The following CEP57L1 variants were observed in gnomAD, a reference collection of about 807,000 sequenced individuals.
The protein encoded by CEP57L1 is centrosomal protein CEP57L1.
Under a neutral mutation model 61.0 loss-of-function variants are expected in CEP57L1, and 37 were observed. The observed-to-expected ratio is 0.61, with a 90% CI of 0.47 to 0.80. The LOEUF is 0.80. Among genes scored for constraint, CEP57L1 ranks in the 30% least tolerant of loss-of-function variants. The probability of loss-of-function intolerance (pLI) is 0.00; values close to 1 mark genes in which losing one functional copy is unlikely to be tolerated. For synonymous variants in CEP57L1, 137 were observed against 162.3 expected (o/e 0.84, Z 1.19); for missense variants, 422 against 524.7 (o/e 0.80, Z 1.91).
intron 1 of CEP57L1, among the ~76,000 whole-genome samples, chr6:109,108,276 C>T (rs867611130): frequency 3.3e-5 from 5 of 149,532 alleles, no homozygotes; most frequent in Admixed American, 2.7e-4. Flanking sequence ...GTTTCACTCT[C>T]GTCACCCAGG....
At position 109,141,309 on chromosome 6, in the gene CEP57L1, A is replaced by G. The variant is rs139690349; in HGVS notation, c.-3-3910A>G. Among the ~76,000 whole-genome samples the G allele has an allele frequency of 7.9e-3, 1,198 of 151,052 alleles. 20 individuals are homozygous for G. The highest frequency in any genetic ancestry group is 0.028 in the African/African-American group (1,147 of 41,134). On this transcript the variant is annotated intron_variant, in intron 1 of 10. Transcript: ENST00000517392. ...CGGCTCACTGCAGCCTCCACCTCCC[A>G]GGTTCAAGTGATTCTTCTGCCTCAG...
rs1773092910 is a variant in CEP57L1, at chr6:109,155,212, G to T, written c.580-18G>T. 6.7e-7 allele frequency: 1 copy of T among 1,482,552 alleles called. No homozygotes were observed. Among genetic ancestry groups the T allele is most frequent in the African/African-American group, 1.4e-5 (1 of 70,826 alleles). 91.8% of individuals were successfully genotyped at this position (1,482,552 alleles called of 1,614,324 possible). On this transcript the variant is annotated intron_variant, in intron 5 of 10. Coordinates refer to ENST00000517392, the MANE Select transcript of CEP57L1 (RefSeq NM_001271852.3). ...CTCTAGTTTTTATGTAACAATCTTA[G>T]TTTTTACTCTTTTGCAGGACAAGAT...
intron 1 of CEP57L1, among the ~76,000 whole-genome samples, chr6:109,111,239 T>TA (rs1771577536): frequency 6.6e-6 from 1 of 152,114 alleles, no homozygotes; most frequent in South Asian, 2.1e-4. Context: ...AGAGGTCGTT[T>TA]ACATCCCTTG....
intron 10 of CEP57L1, among the ~76,000 whole-genome samples, chr6:109,162,165 A>G (rs1168173296): frequency 6.6e-6 from 1 of 152,098 alleles, no homozygotes; most frequent in African/African-American, 2.4e-5. Context: ...TCCTGAATTT[A>G]AAGTACTACT....
At chr6:109,097,562 G>A (rs943135319) in intron 1 of CEP57L1, among the ~76,000 whole-genome samples, 1 of 152,042 alleles carries the variant, frequency 6.6e-6, no homozygotes, top group Non-Finnish European at 1.5e-5. Flanking sequence ...TCTCTGTTGA[G>A]TCCCTTTTAT....
chr6:109,133,717 T>G (rs1169643247), intron 1 of CEP57L1, among the ~76,000 whole-genome samples: 2 of 151,994 alleles, frequency 1.3e-5, no homozygotes, highest in African/African-American at 4.8e-5. Flanking sequence ...CAATAAAAAA[T>G]GATAAAGGGG....
rs1302320442 is a variant in CEP57L1 at position 109,172,583 on chromosome 6, G to A, written c.*9613G>A. ...ACTTGCTATGTTGATCCTTTACTGC[G>A]GTATTGTTTTTTGTTTTCTGACCCA... On this transcript the variant is annotated 3_prime_UTR_variant, in exon 11 of 11. Coordinates refer to ENST00000517392, the MANE Select transcript of CEP57L1 (RefSeq NM_001271852.3). 3.3e-5 allele frequency among the ~76,000 whole-genome samples: 5 copies of A among 152,118 alleles called. No homozygotes were observed. Among genetic ancestry groups the A allele is most frequent in the Non-Finnish European group, 7.3e-5 (5 of 68,034 alleles).
intron 1 of CEP57L1, among the ~76,000 whole-genome samples, chr6:109,108,233 A>G (rs1583382724): frequency 6.8e-6 from 1 of 146,866 alleles, no homozygotes; most frequent in South Asian, 2.1e-4. Flanking sequence ...AATGTTCTAC[A>G]TTTTTCTCTT....
rs572759109 is a variant in CEP57L1 at position 109,114,248 on chromosome 6, A to C, written c.-4+18673A>C. 5.3e-5 allele frequency among the ~76,000 whole-genome samples: 8 copies of C among 152,230 alleles called. No individual in the cohort carries two copies. In the East Asian group the frequency reaches 1.5e-3, roughly 29 times the overall value. On this transcript the variant is annotated intron_variant, in intron 1 of 10. Transcript: ENST00000517392. ...TCATTCATCTTTTTGATAATAGCCA[A>C]TCTGACAGGTATGAGCTGATATCTC...
intron 7 of CEP57L1, chr6:109,158,215 C>T (rs955804000): frequency 3.8e-5 from 6 of 156,962 alleles, no homozygotes; most frequent in East Asian, 1.9e-4. Context: ...GAGCCGGGCG[C>T]GGTGGCTCAC....
chr6:109,153,205 T>C (rs758184697), intron 4 of CEP57L1, among the ~76,000 whole-genome samples: 20 of 148,912 alleles, frequency 1.3e-4, no homozygotes, highest in Non-Finnish European at 7.4e-5. Context: ...GTTTCACTGA[T>C]GCTAATATAA....
intron 1 of CEP57L1, among the ~76,000 whole-genome samples, chr6:109,106,409 T>G (rs1378212855): frequency 6.6e-6 from 1 of 152,200 alleles, no homozygotes; most frequent in Non-Finnish European, 1.5e-5. Context: ...TAAATAATAC[T>G]ACTGATAGTG....
intron 1 of CEP57L1, among the ~76,000 whole-genome samples, chr6:109,133,444 C>T (rs973046620): frequency 6.6e-6 from 1 of 152,188 alleles, no homozygotes; most frequent in Non-Finnish European, 1.5e-5. Flanking sequence ...CTGACCTTCA[C>T]TTACCTCCTG....
intron 1 of CEP57L1, among the ~76,000 whole-genome samples, chr6:109,111,084 A>C (rs891539511): frequency 1.3e-5 from 2 of 152,134 alleles, no homozygotes; most frequent in African/African-American, 4.8e-5. Context: ...TAGCTTGATC[A>C]GGATAGCATT....
chr6:109,140,819 T>G (rs1314306667), intron 1 of CEP57L1: 1 of 152,046 alleles, frequency 6.6e-6, no homozygotes, highest in Non-Finnish European at 1.5e-5. Context: ...CTTAAAATAA[T>G]TTTTAGAGTT....
chr6:109,164,862 A>G lies in CEP57L1; in HGVS notation c.*1892A>G, dbSNP rs1262953004. On this transcript the variant is annotated 3_prime_UTR_variant, in exon 11 of 11. Coordinates refer to ENST00000517392, the MANE Select transcript of CEP57L1 (RefSeq NM_001271852.3). ...TTTGGGAGGCCGAGGCAGGCAGATC[A>G]CGAGGTCAGGAGATTGAGACCATCC... is the stretch of plus-strand genomic sequence containing the variant. 6.6e-6 allele frequency among the ~76,000 whole-genome samples: 1 copy of G among 152,108 alleles called. No homozygotes were observed. The highest frequency in any genetic ancestry group is 1.5e-5 in the Non-Finnish European group (1 of 68,022).
Position 109,164,973 on chromosome 6 carries a change from G to T in CEP57L1, c.*2003G>T, listed in dbSNP as rs888024228. On this transcript the variant is annotated 3_prime_UTR_variant, in exon 11 of 11. Transcript: ENST00000517392. ...CATGCCTGTAATCCCAGCTACTTGGGAGACTGAGGCAGGGGAATCGCTTGA... is the reference window on the plus strand; with the variant it reads ...CATGCCTGTAATCCCAGCTACTTGGTAGACTGAGGCAGGGGAATCGCTTGA... Among the ~76,000 whole-genome samples, 2 of 151,662 alleles carry T rather than the reference G, an allele frequency of 1.3e-5. No individual in the cohort carries two copies. Among genetic ancestry groups the T allele is most frequent in the Non-Finnish European group, 2.9e-5 (2 of 67,978 alleles).
At chr6:109,095,689 C>A in intron 1 of CEP57L1, 114 bp downstream of exon 1, 1 of 606,884 alleles carries the variant, frequency 1.6e-6, no homozygotes, top group Non-Finnish European at 2.1e-6. Context: ...AGTCCAAGGA[C>A]TTTTTCCAGT....
chr6:109,159,434 A>G lies in CEP57L1; in HGVS notation c.988A>G (p.Met330Val), dbSNP rs1243520116. The change falls in exon 9 of 11, where the codon ATG becomes GTG. Residue 330 changes from methionine (M) to valine (V), a missense_variant. Met to Val is a conservative substitution (Grantham distance 21). Coordinates refer to ENST00000517392, the MANE Select transcript of CEP57L1 (RefSeq NM_001271852.3). ...CDNLSELLMA[M>V]QDELDQMSME... ...CAATTTATCTGAACTTTTGATGGCAATGCAAGATGAGCTGGACCAAATGAG... is the reference window on the plus strand; with the variant it reads ...CAATTTATCTGAACTTTTGATGGCAGTGCAAGATGAGCTGGACCAAATGAG... The G allele has an allele frequency of 2.5e-6, 4 of 1,613,780 alleles. No individual in the cohort carries two copies. The highest frequency in any genetic ancestry group is 1.7e-5 in the Admixed American group (1 of 59,976).
Sources: allele counts gnomAD v4.1 joint callset (sites outside exome capture counted in the v4.1 genomes callset), GRCh38; gene constraint gnomAD v4.1.1; transcripts MANE v1.5; gene names NCBI Gene and HGNC (gene_info 2026-07-23, HGNC 2026-07-21).